Variants in MACF1 observed in about 807,000 individuals in gnomAD.
The protein encoded by MACF1 is microtubule actin crosslinking factor 1.
MACF1 carries 193 observed loss-of-function variants against 854.8 expected under a neutral mutation model. The observed-to-expected ratio is 0.23, with a 90% confidence interval of 0.20 to 0.25. The LOEUF is 0.25. Among genes scored for constraint, MACF1 ranks in the 10% least tolerant of loss-of-function variants. The pLI is 1.00. For missense variants in MACF1, 7,722 were observed against 8,929.1 expected (o/e 0.86, Z 5.45); for synonymous variants, 3,185 against 3,226.7 (o/e 0.99, Z 0.44).
Position 39,216,945 on chromosome 1 carries a change from A to G in MACF1, c.109+11814A>G, listed in dbSNP as rs116791479. Among the ~76,000 whole-genome samples the G allele has an allele frequency of 5.0e-3, 762 of 152,306 alleles. 5 individuals carry two copies. Among genetic ancestry groups the G allele is most frequent in the African/African-American group, 0.018 (728 of 41,560 alleles). ...AAAATGGGCTTGGCATCAACTGTCT[A>G]CACGGGGTTCCTACTCCACCACTTA... On this transcript the variant is annotated intron_variant, in intron 1 of 100. Coordinates refer to ENST00000564288, the MANE Select transcript of MACF1 (RefSeq NM_001394062.1).
intron 2 of MACF1, among the ~76,000 whole-genome samples, chr1:39,134,297 C>T (rs1212637166): frequency 1.3e-5 from 2 of 151,794 alleles, no homozygotes; most frequent in South Asian, 2.1e-4. Flanking sequence ...CCGCCCACCT[C>T]GGCCTCCCAA....
intron 2 of MACF1, among the ~76,000 whole-genome samples, chr1:39,123,718 T>TG (rs1642783726): frequency 1.4e-4 from 2 of 14,202 alleles, no homozygotes; most frequent in African/African-American, 3.5e-4. Context: ...TCTTGTTTTG[T>TG]TTTTTTTTTT....
intron 23 of MACF1, among the ~76,000 whole-genome samples, chr1:39,309,182 A>G (rs182995392): frequency 6.6e-6 from 1 of 152,230 alleles, no homozygotes; most frequent in African/African-American, 2.4e-5. Context: ...TTATGAGATT[A>G]CTAAATATGT....
At chr1:39,397,740 ATGAT>A (rs1318683639) in intron 58 of MACF1, among the ~76,000 whole-genome samples, 4 of 152,198 alleles carry the variant, frequency 2.6e-5, no homozygotes, top group Non-Finnish European at 4.4e-5. Flanking sequence ...GAGAAACTGA[ATGAT>A]TGGGTACTTG....
chr1:39,292,705 A>G (rs1302031157), intron 16 of MACF1, 61 bp from the exon 17 acceptor site: 1 of 1,209,236 alleles, frequency 8.3e-7, no homozygotes, highest in South Asian at 1.3e-5. Flanking sequence ...AGTTGCAACC[A>G]TAACACGTAG....
At chr1:39,346,937 T>C (rs1557601450) in intron 40 of MACF1, 40 bp from the exon 41 acceptor site, 2 of 1,295,670 alleles carry the variant, frequency 1.5e-6, no homozygotes, top group Non-Finnish European at 2.2e-6. Flanking sequence ...GGAAGTATCA[T>C]GGTTTTTTGT....
intron 80 of MACF1, 100 bp from the exon 81 acceptor site, chr1:39,447,332 A>C: frequency 5.3e-6 from 6 of 1,121,940 alleles, no homozygotes; most frequent in Non-Finnish European, 7.8e-6. Context: ...TTTAGAGGTC[A>C]TTTCATTTGT....
intron 20 of MACF1, 142 bp from the exon 21 acceptor site, chr1:39,297,478 G>A (rs544258150): frequency 2.0e-6 from 2 of 990,726 alleles, no homozygotes; most frequent in East Asian, 2.5e-5. Context: ...TGTTTCAGTG[G>A]TCCTTGTAAT....
chr1:39,430,763 G>C lies in MACF1; in HGVS notation c.17192G>C (p.Arg5731Pro), dbSNP rs764492632. 2 of 1,612,298 alleles carry C rather than the reference G, an allele frequency of 1.2e-6. No homozygotes were observed. Among genetic ancestry groups the C allele is most frequent in the East Asian group, 2.2e-5 (1 of 44,880 alleles). Residue 5731 changes from arginine to proline, a missense_variant, in exon 66 of 101, where the codon CGT (arginine) becomes CCT (proline). Transcript: ENST00000564288. The part of the protein sequence containing the change: ...LVLDTVNEVS[R>P]ALLELVPWRA... Reference sequence around the variant, plus strand: ...TTGGACACAGTGAATGAGGTGAGCCGTGCTCTCTTAGAGCTGGTGCCCTGG... The same window carrying C: ...TTGGACACAGTGAATGAGGTGAGCCCTGCTCTCTTAGAGCTGGTGCCCTGG...
chr1:39,193,964 C>G (rs1644286556), intron 2 of MACF1, among the ~76,000 whole-genome samples: 1 of 152,150 alleles, frequency 6.6e-6, no homozygotes, highest in Admixed American at 6.6e-5. Flanking sequence ...TTGCCTCAGC[C>G]TCCCAAGTAG....
In MACF1 at chr1:39,289,513, T is replaced by G. The variant is rs531048141; in HGVS notation, c.1785+1951T>G. On this transcript the variant is annotated intron_variant, in intron 15 of 100. Transcript: ENST00000564288. ...TAGTGACGTTGAGCACCTTTTCACG[T>G]GCCTGTTTGCCATTTGTATGTCTTC... is the stretch of plus-strand genomic sequence containing the variant. Among the ~76,000 whole-genome samples, 245 of 152,254 alleles carry G rather than the reference T, an allele frequency of 1.6e-3. 1 individual carries two copies. Among genetic ancestry groups the G allele is most frequent in the African/African-American group, 5.7e-3 (236 of 41,558 alleles).
intron 97 of MACF1, among the ~76,000 whole-genome samples, chr1:39,471,668 GA>G (rs1320595311): frequency 2.0e-5 from 3 of 152,074 alleles, no homozygotes; most frequent in Admixed American, 1.3e-4. Context: ...TGGATAGAGA[GA>G]AAAAAAGTGC....
At chr1:39,281,388 CTT>C (rs908851220) in intron 6 of MACF1, among the ~76,000 whole-genome samples, 13 of 151,228 alleles carry the variant, frequency 8.6e-5, no homozygotes, top group Admixed American at 4.6e-4. Flanking sequence ...TTTTGTATGT[CTT>C]TTATACAAAA....
intron 26 of MACF1, among the ~76,000 whole-genome samples, chr1:39,313,539 TTCTC>T (rs1646344803): frequency 6.6e-6 from 1 of 152,150 alleles, no homozygotes; most frequent in Non-Finnish European, 1.5e-5. Flanking sequence ...TTTGTCTTCC[TTCTC>T]TCCCTCCCTC....
chr1:39,144,111 T>C (rs1303941254), intron 2 of MACF1, among the ~76,000 whole-genome samples: 1 of 148,244 alleles, frequency 6.7e-6, no homozygotes, highest in African/African-American at 2.5e-5. Context: ...GACGGAGTCT[T>C]GCTCTGTTGC....
Position 39,334,310 on chromosome 1 carries a change from C to A in MACF1, c.7722C>A (p.Ile2574=). 1.9e-6 allele frequency: 3 copies of A among 1,614,012 alleles called. No individual in the cohort carries two copies. The highest frequency in any genetic ancestry group is 2.5e-6 in the Non-Finnish European group (3 of 1,179,940). ...TTACCTCAGACCTGAAAAGAGAAAT[C>A]CAGGAGGTTCAGGCCTTTACTGGAA... is the stretch of plus-strand genomic sequence containing the variant. ...DLITSDLKRE[I]QEVQAFTGNF... Residue 2574 remains isoleucine, a synonymous_variant, in exon 37 of 101, where the codon ATC becomes ATA. Transcript: ENST00000564288.
At position 39,480,954 on chromosome 1, in the gene MACF1, C is replaced by A; in HGVS notation, c.22205C>A (p.Pro7402His). 1 of 1,550,852 alleles carries A rather than the reference C, an allele frequency of 6.4e-7. No homozygotes were observed. The highest frequency in any genetic ancestry group is 1.2e-5 in the South Asian group (1 of 84,052). ...CAGTTCTCTCGCTGTTATGACAAAC[C>A]CTGGTTGGTAAACAGTAAAGCTGGC... is the stretch of plus-strand genomic sequence containing the variant. ...SLQFSRCYDKPWLVNSKAGTP... is the reference protein window; with the variant it reads ...SLQFSRCYDKHWLVNSKAGTP... Residue 7402 changes from proline to histidine, a missense_variant, in exon 99 of 101, where the codon CCC (proline) becomes CAC (histidine). Physicochemically the swap from Pro to His is moderately conservative, Grantham distance 77. Coordinates refer to ENST00000564288, the MANE Select transcript of MACF1 (RefSeq NM_001394062.1).
intron 60 of MACF1, 72 bp from the exon 61 acceptor site, chr1:39,423,956 T>C: frequency 7.3e-7 from 1 of 1,377,700 alleles, no homozygotes; most frequent in Non-Finnish European, 9.9e-7. Flanking sequence ...GTTTCTTTTG[T>C]TTTTTTTCTT....
At chr1:39,175,390 G>C (rs1034367399) in intron 2 of MACF1, among the ~76,000 whole-genome samples, 1 of 152,142 alleles carries the variant, frequency 6.6e-6, no homozygotes, top group African/African-American at 2.4e-5. Flanking sequence ...ATCATGTACA[G>C]CATTCAGAAT....
Sources: allele counts gnomAD v4.1 joint callset (sites outside exome capture counted in the v4.1 genomes callset), GRCh38; gene constraint gnomAD v4.1.1; transcripts MANE v1.5; gene names NCBI Gene and HGNC (gene_info 2026-07-23, HGNC 2026-07-21).